The following NRXN1 variants were observed in gnomAD, a reference collection of about 807,000 sequenced individuals.
NRXN1 encodes neurexin-1.
In NRXN1, 39 loss-of-function variants were observed where a neutral mutation model predicts 150.9. The observed-to-expected ratio is 0.26, with a 90% CI of 0.20 to 0.34. NRXN1 has a LOEUF of 0.34. Among genes scored for constraint, NRXN1 ranks in the 10% least tolerant of loss-of-function variants. The probability of loss-of-function intolerance (pLI) is 1.00; values close to 1 mark genes in which losing one functional copy is unlikely to be tolerated. For missense variants in NRXN1, 1,815 were observed against 1,949.9 expected, an observed-to-expected ratio of 0.93 and a Z score of 1.30; for synonymous variants, 924 against 757.0, an observed-to-expected ratio of 1.22 and a Z score of -3.62.
intron 18 of NRXN1, among the ~76,000 whole-genome samples, chr2:50,104,530 G>A (rs1701385924): frequency 6.6e-6 from 1 of 151,982 alleles, no homozygotes; most frequent in African/African-American, 2.4e-5. Flanking sequence ...TTCCAGAAGG[G>A]CAGGATTTGG....
intron 12 of NRXN1, among the ~76,000 whole-genome samples, chr2:50,519,217 T>C (rs528844917): frequency 5.5e-4 from 84 of 152,050 alleles, no homozygotes; most frequent in African/African-American, 1.9e-3. Flanking sequence ...TTCTAAGCAA[T>C]GATATAATTA....
rs371095334 is a variant in NRXN1, at chr2:50,945,899, T to TATAC, written c.773-19945_773-19944insGTAT. 5.3e-3 allele frequency among the ~76,000 whole-genome samples: 548 copies of TATAC among 102,996 alleles called. 2 individuals are homozygous for TATAC. The highest frequency in any genetic ancestry group is 0.02 in the African/African-American group (521 of 26,056). The allele number at this position is 102,996 out of a possible 152,430, so 67.6% of individuals were successfully genotyped here. A position where few individuals can be genotyped will look rare whatever the true frequency, so the allele number is the denominator to read the frequency against. On this transcript the variant is annotated intron_variant, in intron 2 of 22. Transcript: ENST00000401669. ...ACAGATATATATATATATATATATA[T>TATAC]ACACACACACACACACACACACATC...
chr2:51,004,456 TA>T (rs1203154821), intron 2 of NRXN1, among the ~76,000 whole-genome samples: 1 of 151,908 alleles, frequency 6.6e-6, no homozygotes, highest in Non-Finnish European at 1.5e-5. Context: ...AATGAATAAT[TA>T]AAAAGTTATG....
intron 18 of NRXN1, among the ~76,000 whole-genome samples, chr2:50,162,131 T>C (rs1212732858): frequency 6.6e-6 from 1 of 152,156 alleles, no homozygotes; most frequent in African/African-American, 2.4e-5. Flanking sequence ...ACCAAAGTTA[T>C]GCCCAAATTG....
intron 2 of NRXN1, among the ~76,000 whole-genome samples, chr2:51,011,873 TG>T (rs2105197451): frequency 6.6e-6 from 1 of 152,040 alleles, no homozygotes; most frequent in South Asian, 2.1e-4. Flanking sequence ...ATTGGGAAAG[TG>T]GTAAGTAGAC....
intron 17 of NRXN1, among the ~76,000 whole-genome samples, chr2:50,324,650 T>C (rs1364729980): frequency 6.6e-6 from 1 of 152,232 alleles, no homozygotes; most frequent in Non-Finnish European, 1.5e-5. Context: ...CACGCCATTC[T>C]CCTGCCTCAG....
At chr2:49,944,297 G>C (rs374118021) in intron 21 of NRXN1, among the ~76,000 whole-genome samples, 9 of 152,262 alleles carry the variant, frequency 5.9e-5, no homozygotes, top group South Asian at 4.1e-4. Context: ...GAATTAGATA[G>C]CTCTTTCATT....
chr2:50,669,185 C>G (rs936338611), intron 5 of NRXN1, among the ~76,000 whole-genome samples: 1 of 151,938 alleles, frequency 6.6e-6, no homozygotes, highest in African/African-American at 2.4e-5. Flanking sequence ...GAAGGCAAGG[C>G]TCAGTCTTAC....
chr2:50,022,650 A>G (rs1433400677), intron 21 of NRXN1: 2 of 152,268 alleles, frequency 1.3e-5, no homozygotes, highest in African/African-American at 4.8e-5. Flanking sequence ...AGATGCAAGA[A>G]TAGTATGTTT....
intron 17 of NRXN1, among the ~76,000 whole-genome samples, chr2:50,327,173 C>T (rs542777668): frequency 5.3e-5 from 8 of 152,218 alleles, no homozygotes; most frequent in East Asian, 1.9e-4. Flanking sequence ...ATAATCAAAT[C>T]GTGGTATATG....
intron 17 of NRXN1, among the ~76,000 whole-genome samples, chr2:50,393,463 CA>C (rs1300185161): frequency 6.6e-6 from 1 of 151,846 alleles, no homozygotes; most frequent in African/African-American, 2.4e-5. Flanking sequence ...TCAAAATACA[CA>C]AAACAGGAAA....
chr2:49,974,405 G>A (rs1208361069), intron 21 of NRXN1, among the ~76,000 whole-genome samples: 2 of 151,626 alleles, frequency 1.3e-5, no homozygotes, highest in African/African-American at 2.4e-5. Flanking sequence ...TCTAACCCCC[G>A]ACCGAAAAAA....
intron 5 of NRXN1, among the ~76,000 whole-genome samples, chr2:50,759,047 T>C: frequency 6.6e-6 from 1 of 151,958 alleles, no homozygotes; most frequent in East Asian, 1.9e-4. Flanking sequence ...AATAAAAAGC[T>C]ATAATTGACT....
chr2:50,283,503 A>T (rs2071730353), intron 17 of NRXN1, among the ~76,000 whole-genome samples: 2 of 152,156 alleles, frequency 1.3e-5, no homozygotes, highest in South Asian at 4.1e-4. Context: ...TTAAGGCTTG[A>T]ATTTGAACAA....
intron 5 of NRXN1, among the ~76,000 whole-genome samples, chr2:50,682,369 C>G (rs1196594137): frequency 6.6e-6 from 1 of 152,084 alleles, no homozygotes. Context: ...AGTTTACTAT[C>G]CCATGTCTTC....
chr2:49,985,530 G>A (rs558419148), intron 21 of NRXN1, among the ~76,000 whole-genome samples: 19 of 152,212 alleles, frequency 1.2e-4, no homozygotes, highest in African/African-American at 2.2e-4. Flanking sequence ...TATTTCAGTC[G>A]TCATTTGTGC....
intron 7 of NRXN1, among the ~76,000 whole-genome samples, chr2:50,620,482 G>A (rs1037518406): frequency 6.6e-6 from 1 of 152,196 alleles, no homozygotes; most frequent in Non-Finnish European, 1.5e-5. Context: ...AAAAGTTATT[G>A]AGCAGACACA....
At chr2:50,850,539 A>G (rs1027559658) in intron 5 of NRXN1, among the ~76,000 whole-genome samples, 3 of 152,144 alleles carry the variant, frequency 2.0e-5, no homozygotes, top group Non-Finnish European at 2.9e-5. Context: ...TCAGGCAGCC[A>G]GCACCACGCT....
intron 5 of NRXN1, among the ~76,000 whole-genome samples, chr2:50,877,104 G>T (rs1678710447): frequency 6.6e-6 from 1 of 151,284 alleles, no homozygotes. Flanking sequence ...TCATCTAAAG[G>T]ATGGTGTCCT....
Sources: allele counts gnomAD v4.1 joint callset (sites outside exome capture counted in the v4.1 genomes callset), GRCh38; gene constraint gnomAD v4.1.1; transcripts MANE v1.5; gene names NCBI Gene and HGNC (gene_info 2026-07-23, HGNC 2026-07-21).